TMEM236: variants seen among roughly 807,000 people sequenced by gnomAD.
TMEM236 encodes transmembrane protein 236.
Under a neutral mutation model 14.7 loss-of-function variants are expected in TMEM236, and 11 were observed. That is an observed-to-expected ratio of 0.75 (90% CI 0.47 to 1.24). TMEM236 has a LOEUF of 1.24. Ranked by LOEUF, TMEM236 falls within the 50% of genes most tolerant of loss-of-function variation. The pLI, the probability that TMEM236 is intolerant of heterozygous loss-of-function variation, is 0.00. For missense variants in TMEM236, 464 were observed against 427.3 expected (o/e 1.09, Z -0.76); for synonymous variants, 182 against 168.6 (o/e 1.08, Z -0.62).
intron 1 of TMEM236, among the ~76,000 whole-genome samples, chr10:17,768,932 C>T (rs1258029426): frequency 1.3e-5 from 2 of 151,700 alleles, no homozygotes; most frequent in Non-Finnish European, 2.9e-5. Context: ...TGAAATTTAC[C>T]ATCTTAATCA....
chr10:17,781,757 A>G (rs1020571376), intron 3 of TMEM236, among the ~76,000 whole-genome samples: 11 of 151,700 alleles, frequency 7.3e-5, no homozygotes, highest in African/African-American at 2.2e-4. Flanking sequence ...AAAAAAAAAA[A>G]AAAAAAAAAG....
At chr10:17,767,697 G>A (rs1355431496) in intron 1 of TMEM236, among the ~76,000 whole-genome samples, 3 of 152,056 alleles carry the variant, frequency 2.0e-5, no homozygotes, top group South Asian at 2.1e-4. Flanking sequence ...CTAATTGAAA[G>A]CTACCAGTCT....
At chr10:17,788,410 T>A (rs1446718500) in intron 3 of TMEM236, among the ~76,000 whole-genome samples, 2 of 150,770 alleles carry the variant, frequency 1.3e-5, no homozygotes, top group Non-Finnish European at 3.0e-5. Context: ...ACTTGTCGAG[T>A]GTTAGATAAG....
chr10:17,754,687 G>A (rs1285562293), intron 1 of TMEM236, among the ~76,000 whole-genome samples: 1 of 152,116 alleles, frequency 6.6e-6, no homozygotes, highest in Admixed American at 6.6e-5. Flanking sequence ...CCTTGTAGGG[G>A]AGGAAAGTAC....
At chr10:17,763,593 A>G (rs1554834163) in intron 1 of TMEM236, among the ~76,000 whole-genome samples, 1 of 152,200 alleles carries the variant, frequency 6.6e-6, no homozygotes, top group Non-Finnish European at 1.5e-5. Context: ...GCTTATTAGA[A>G]AAACACTGTG....
intron 1 of TMEM236, among the ~76,000 whole-genome samples, chr10:17,767,706 C>A (rs1387625402): frequency 6.6e-6 from 1 of 152,046 alleles, no homozygotes; most frequent in African/African-American, 2.4e-5. Context: ...AGCTACCAGT[C>A]TTTTCTGATG....
At chr10:17,761,974 A>G (rs1249444192) in intron 1 of TMEM236, among the ~76,000 whole-genome samples, 1 of 151,864 alleles carries the variant, frequency 6.6e-6, no homozygotes, top group Non-Finnish European at 1.5e-5. Flanking sequence ...TTTCTCATCC[A>G]CTTTGTAGAC....
intron 2 of TMEM236, among the ~76,000 whole-genome samples, chr10:17,772,497 C>T (rs1011672504): frequency 6.6e-6 from 1 of 152,212 alleles, no homozygotes; most frequent in Admixed American, 6.5e-5. Flanking sequence ...AGAAACATCA[C>T]TGCGGTAAAC....
chr10:17,768,417 T>TCTA (rs1554834513), intron 1 of TMEM236, among the ~76,000 whole-genome samples: 1 of 152,140 alleles, frequency 6.6e-6, no homozygotes, highest in African/African-American at 2.4e-5. Context: ...AGACTTTAGG[T>TCTA]AATTTTTAAA....
At chr10:17,761,291 C>T (rs1837358398) in intron 1 of TMEM236, among the ~76,000 whole-genome samples, 1 of 152,132 alleles carries the variant, frequency 6.6e-6, no homozygotes, top group Non-Finnish European at 1.5e-5. Flanking sequence ...CATTAACTAA[C>T]GTTTGGGCTC....
chr10:17,752,706 A>G (rs946278252), intron 1 of TMEM236, among the ~76,000 whole-genome samples, 154 bp downstream of exon 1: 17 of 152,062 alleles, frequency 1.1e-4, no homozygotes, highest in African/African-American at 4.1e-4. Flanking sequence ...AGCTGGGATT[A>G]CAGTCGCACA....
At chr10:17,792,326 G>A (rs1323681315) in intron 3 of TMEM236, among the ~76,000 whole-genome samples, 3 of 152,170 alleles carry the variant, frequency 2.0e-5, no homozygotes, top group Admixed American at 6.5e-5. Context: ...GGCCTCAAGC[G>A]ATCCCCCTGT....
At chr10:17,768,085 G>GTTTTTTTTTGTTTGTTT (rs1181734908) in intron 1 of TMEM236, among the ~76,000 whole-genome samples, 5 of 98,830 alleles carry the variant, frequency 5.1e-5, no homozygotes, top group African/African-American at 1.6e-4. Context: ...TAATTTTTGT[G>GTTTTTTTTTGTTTGTTT]GTTTTTTTTT....
chr10:17,760,943 A>G (rs1331269979), intron 1 of TMEM236, among the ~76,000 whole-genome samples: 1 of 152,072 alleles, frequency 6.6e-6, no homozygotes, highest in Non-Finnish European at 1.5e-5. Flanking sequence ...CTCCCATGAC[A>G]TGTGGGAATT....
intron 1 of TMEM236, among the ~76,000 whole-genome samples, chr10:17,761,579 C>T (rs1479677697): frequency 6.6e-6 from 1 of 150,728 alleles, no homozygotes; most frequent in South Asian, 2.1e-4. Flanking sequence ...CTGTAGTCCC[C>T]GGTACTCAGG....
rs1028008202 is a variant in TMEM236 at position 17,800,470 on chromosome 10, T to C, written c.*3966T>C. The C allele has an allele frequency of 6.6e-6, 1 of 152,160 alleles. No homozygotes were observed. Among genetic ancestry groups the C allele is most frequent in the South Asian group, 2.1e-4 (1 of 4,826 alleles). The allele number at this position is 152,160 out of a possible 1,614,324, so 9.4% of individuals were successfully genotyped here. Reference sequence around the variant, plus strand: ...TTTTAGTGCCTTTTCTTTCTAAAAGTTAATGTTTGAAATTACAATGTGTAA... The same window carrying C: ...TTTTAGTGCCTTTTCTTTCTAAAAGCTAATGTTTGAAATTACAATGTGTAA... On this transcript the variant is annotated 3_prime_UTR_variant, in exon 4 of 4. Transcript: ENST00000377495.
At chr10:17,771,588 A>C (rs1419147548) in intron 2 of TMEM236, among the ~76,000 whole-genome samples, 2 of 152,200 alleles carry the variant, frequency 1.3e-5, no homozygotes, top group Admixed American at 1.3e-4. Context: ...CAATTTTTAA[A>C]AATTAATTTT....
intron 3 of TMEM236, among the ~76,000 whole-genome samples, chr10:17,784,714 C>A (rs1327007489): frequency 6.6e-6 from 1 of 152,086 alleles, no homozygotes; most frequent in Non-Finnish European, 1.5e-5. Context: ...AGGGAGAAAG[C>A]AAGCAAGGGG....
At chr10:17,795,142 C>T (rs1837990244) in intron 3 of TMEM236, among the ~76,000 whole-genome samples, 1 of 152,214 alleles carries the variant, frequency 6.6e-6, no homozygotes, top group South Asian at 2.1e-4. Context: ...AATGACAGGG[C>T]CTTTGTCTTA....
Sources: allele counts gnomAD v4.1 joint callset (sites outside exome capture counted in the v4.1 genomes callset), GRCh38; gene constraint gnomAD v4.1.1; transcripts MANE v1.5; gene names NCBI Gene and HGNC (gene_info 2026-07-23, HGNC 2026-07-21).